Variants in EPHB1 observed in about 807,000 individuals in gnomAD.
EPHB1 encodes the protein EPH receptor B1.
A neutral mutation model predicts 94.4 loss-of-function variants in EPHB1; 30 were observed. That is an observed-to-expected ratio of 0.32 (90% CI 0.24 to 0.43). The LOEUF is 0.43. Among genes scored for constraint, EPHB1 ranks in the 20% least tolerant of loss-of-function variants. The pLI is 1.00. For missense variants in EPHB1, 1,055 were observed against 1,308.3 expected, an observed-to-expected ratio of 0.81 and a Z score of 2.99; for synonymous variants, 522 against 489.1, an observed-to-expected ratio of 1.07 and a Z score of -0.89.
chr3:135,054,542 C>CCAGAGCA (rs1432951270), intron 3 of EPHB1, among the ~76,000 whole-genome samples: 2 of 152,142 alleles, frequency 1.3e-5, no homozygotes, highest in Non-Finnish European at 1.5e-5. Context: ...AGGCAACTGT[C>CCAGAGCA]CAGAGCACAG....
chr3:134,798,069 A>G (rs1297950851), intron 1 of EPHB1, among the ~76,000 whole-genome samples: 1 of 152,164 alleles, frequency 6.6e-6, no homozygotes, highest in Non-Finnish European at 1.5e-5. Context: ...TGAGCTGCCT[A>G]CGGAGAGCAG....
chr3:134,978,187 T>C (rs1934262167), intron 3 of EPHB1: 2 of 323,578 alleles, frequency 6.2e-6, no homozygotes, highest in Admixed American at 4.2e-5. Flanking sequence ...TCCATTCCAC[T>C]GTGGAAGAGC....
chr3:135,053,021 G>GTATA (rs1400909264), intron 3 of EPHB1, among the ~76,000 whole-genome samples: 2 of 68,852 alleles, frequency 2.9e-5, no homozygotes, highest in African/African-American at 1.5e-4. Flanking sequence ...ATATGTGTGT[G>GTATA]TGTGTGTATA....
intron 3 of EPHB1, among the ~76,000 whole-genome samples, chr3:135,043,501 C>T (rs1169222652): frequency 6.6e-6 from 1 of 151,990 alleles, no homozygotes; most frequent in Non-Finnish European, 1.5e-5. Context: ...GAAGTCTCTC[C>T]CCAGCTTCAG....
intron 3 of EPHB1, among the ~76,000 whole-genome samples, chr3:135,070,604 G>C (rs1937672166): frequency 6.6e-6 from 1 of 152,010 alleles, no homozygotes; most frequent in African/African-American, 2.4e-5. Context: ...ATCAGTTCAG[G>C]GCATTTGCTT....
chr3:135,222,352 C>T (rs987540699), intron 12 of EPHB1, among the ~76,000 whole-genome samples: 3 of 152,170 alleles, frequency 2.0e-5, no homozygotes, highest in Non-Finnish European at 4.4e-5. Context: ...ATGCCTGTTT[C>T]TCCAATGCAA....
chr3:135,016,734 T>A (rs1048484619), intron 3 of EPHB1, among the ~76,000 whole-genome samples: 1 of 152,224 alleles, frequency 6.6e-6, no homozygotes, highest in Non-Finnish European at 1.5e-5. Flanking sequence ...AGTTCCTTCC[T>A]CTTGCCTGGG....
chr3:134,968,211 A>T (rs888985971), intron 3 of EPHB1, among the ~76,000 whole-genome samples: 5 of 152,252 alleles, frequency 3.3e-5, no homozygotes, highest in Non-Finnish European at 7.3e-5. Flanking sequence ...TGAAGAGTTT[A>T]TGAGAATCTG....
intron 2 of EPHB1, among the ~76,000 whole-genome samples, chr3:134,927,083 G>A (rs556217683): frequency 6.6e-6 from 1 of 152,254 alleles, no homozygotes; most frequent in East Asian, 1.9e-4. Context: ...TGTCTGGCTA[G>A]GACAGGGTGG....
At chr3:135,145,977 A>G (rs895425773) in intron 5 of EPHB1, among the ~76,000 whole-genome samples, 2 of 152,358 alleles carry the variant, frequency 1.3e-5, no homozygotes, top group African/African-American at 2.4e-5. Context: ...AACATTTATT[A>G]TGTGCTAGCA....
chr3:135,247,077 T>C (rs1192548599), intron 13 of EPHB1, among the ~76,000 whole-genome samples: 3 of 152,196 alleles, frequency 2.0e-5, no homozygotes, highest in Non-Finnish European at 4.4e-5. Context: ...AATTATTTCC[T>C]TTGTTGTTTA....
At chr3:134,819,472 A>G (rs917938793) in intron 1 of EPHB1, among the ~76,000 whole-genome samples, 1 of 152,204 alleles carries the variant, frequency 6.6e-6, no homozygotes, top group Non-Finnish European at 1.5e-5. Flanking sequence ...GCTCCTCTAT[A>G]AAATGGGAAT....
intron 3 of EPHB1, among the ~76,000 whole-genome samples, chr3:135,005,700 G>A (rs369552088): frequency 6.6e-6 from 1 of 152,182 alleles, no homozygotes; most frequent in Non-Finnish European, 1.5e-5. Context: ...CGCAGTATTC[G>A]GGTGGGAGTG....
intron 2 of EPHB1, among the ~76,000 whole-genome samples, chr3:134,936,957 A>T (rs2039016564): frequency 6.6e-6 from 1 of 152,216 alleles, no homozygotes; most frequent in Non-Finnish European, 1.5e-5. Flanking sequence ...AGGGAAGGCC[A>T]GACTGATGTC....
rs1254195435 is a variant in EPHB1, at chr3:135,025,562, T to C, written c.805+73510T>C. Among the ~76,000 whole-genome samples the C allele has an allele frequency of 9.6e-5, 5 of 51,886 alleles. 1 individual carries two copies. 34.0% of individuals were successfully genotyped at this position (51,886 alleles called of 152,430 possible). A position where few individuals can be genotyped will look rare whatever the true frequency, so the allele number is the denominator to read the frequency against. The stretch of plus-strand genomic sequence containing the variant: ...GAACTCATCATTTTTTATGGCTGCA[T>C]AGTATTCCATGGTGTATATGTGCCA... On this transcript the variant is annotated intron_variant, in intron 3 of 15. Coordinates refer to ENST00000398015, the MANE Select transcript of EPHB1 (RefSeq NM_004441.5).
intron 9 of EPHB1, among the ~76,000 whole-genome samples, chr3:135,176,369 A>G (rs985811154): frequency 3.9e-5 from 6 of 152,198 alleles, no homozygotes; most frequent in African/African-American, 1.2e-4. Flanking sequence ...AGGGGAAACG[A>G]GTACTGAGTC....
intron 3 of EPHB1, among the ~76,000 whole-genome samples, chr3:135,002,087 A>G (rs1312440785): frequency 6.6e-6 from 1 of 152,264 alleles, no homozygotes; most frequent in African/African-American, 2.4e-5. Flanking sequence ...CATACTATCC[A>G]GCCATAAAAA....
chr3:135,251,084 AC>A (rs1207064193), intron 15 of EPHB1, among the ~76,000 whole-genome samples: 1 of 151,144 alleles, frequency 6.6e-6, no homozygotes, highest in Non-Finnish European at 1.5e-5. Flanking sequence ...TGGAGCCACC[AC>A]TTTCTCCAGG....
chr3:135,061,732 T>A (rs1483710433), intron 3 of EPHB1, among the ~76,000 whole-genome samples: 2 of 152,174 alleles, frequency 1.3e-5, no homozygotes, highest in East Asian at 3.8e-4. Flanking sequence ...TATCTCCTAA[T>A]GCTATCCCTC....
Sources: gnomAD v4.1 joint callset for allele counts (sites outside exome capture counted in the v4.1 genomes callset) on GRCh38, gnomAD v4.1.1 for gene constraint, MANE v1.5 for transcripts, NCBI Gene and HGNC (gene_info 2026-07-23, HGNC 2026-07-21) for gene names.